Variants in CUL4A observed in about 807,000 individuals in gnomAD.
CUL4A encodes cullin-4A.
In CUL4A, 16 loss-of-function variants were observed where a neutral mutation model predicts 95.5. That is an observed-to-expected ratio of 0.17 (90% confidence interval 0.11 to 0.25). CUL4A has a LOEUF of 0.25. Among genes scored for constraint, CUL4A ranks in the 10% least tolerant of loss-of-function variants. CUL4A has a pLI of 1.00. For missense variants in CUL4A, 610 were observed against 937.0 expected, an observed-to-expected ratio of 0.65 and a Z score of 4.56; for synonymous variants, 380 against 353.1, an observed-to-expected ratio of 1.08 and a Z score of -0.85.
chr13:113,208,661 A>T, upstream of CUL4A: 1 of 1,599,546 alleles, frequency 6.3e-7, no homozygotes, highest in Non-Finnish European at 8.5e-7. Context: ...GGAGAGCGCC[A>T]CCCCCTACGC....
intron 2 of CUL4A, among the ~76,000 whole-genome samples, chr13:113,218,176 T>G (rs2040763767): frequency 6.6e-6 from 1 of 152,030 alleles, no homozygotes. Flanking sequence ...AGGTGGAGGT[T>G]GCAGTGAGCC....
At chr13:113,259,742 A>G (rs1251481850) in intron 18 of CUL4A, among the ~76,000 whole-genome samples, 2 of 152,222 alleles carry the variant, frequency 1.3e-5, no homozygotes, top group African/African-American at 2.4e-5. Flanking sequence ...TTTAATCTAC[A>G]TCACACATAG....
At chr13:113,258,488 C>T (rs1028718668) in intron 18 of CUL4A, among the ~76,000 whole-genome samples, 1 of 152,072 alleles carries the variant, frequency 6.6e-6, no homozygotes, top group Non-Finnish European at 1.5e-5. Context: ...TAAATACATA[C>T]AAATCTTTTT....
At chr13:113,244,364 T>C (rs765700903) in intron 11 of CUL4A, 46 bp from the exon 12 acceptor site, 2 of 1,358,978 alleles carry the variant, frequency 1.5e-6, no homozygotes, top group Non-Finnish European at 2.1e-6. Context: ...TTGAAGATGC[T>C]CTCTTTTTCT....
chr13:113,209,976 G>T lies in CUL4A; in HGVS notation c.152G>T (p.Arg51Ile). 6.6e-7 allele frequency: 1 copy of T among 1,509,544 alleles called. No individual in the cohort carries two copies. The highest frequency in any genetic ancestry group is 2.1e-5 in the Admixed American group (1 of 46,616). 93.5% of individuals were successfully genotyped at this position (1,509,544 alleles called of 1,614,324 possible). A position where few individuals can be genotyped will look rare whatever the true frequency, so the allele number is the denominator to read the frequency against. The change falls in exon 2 of 20, where the codon AGA becomes ATA. Residue 51 changes from arginine to isoleucine, a missense_variant. This residue lies in a region of CUL4A where 168 missense variants were observed against 185.5 expected (regional missense o/e 0.91). Transcript: ENST00000375440. ...KKLVIKNFRDRPRLPDNYTQD... is the reference protein window; with the variant it reads ...KKLVIKNFRDIPRLPDNYTQD... ...CCGCTCTCCCTCCGCCCTGCAGACAGACCTCGGCTGCCCGACAACTACACG... is the reference window on the plus strand; with the variant it reads ...CCGCTCTCCCTCCGCCCTGCAGACATACCTCGGCTGCCCGACAACTACACG...
chr13:113,232,035 G>GTCACCACTACCTGCCCACCACCATTA (rs1566342732), intron 5 of CUL4A, among the ~76,000 whole-genome samples: 6 of 70,630 alleles, frequency 8.5e-5, no homozygotes, highest in African/African-American at 3.4e-4. Flanking sequence ...CACCATTACT[G>GTCACCACTACCTGCCCACCACCATTA]CTGCCACCAC....
intron 3 of CUL4A, among the ~76,000 whole-genome samples, chr13:113,227,732 C>T (rs1466381520): frequency 6.6e-5 from 10 of 151,992 alleles, no homozygotes; most frequent in South Asian, 2.1e-4. Context: ...GGTGAAACCC[C>T]GTCTCTACTA....
intron 18 of CUL4A, 82 bp downstream of exon 18, chr13:113,255,207 G>A: frequency 1.0e-6 from 1 of 986,262 alleles, no homozygotes; most frequent in East Asian, 2.5e-5. Context: ...TTGGCTGTTA[G>A]AGGCCTGAAG....
intron 2 of CUL4A, among the ~76,000 whole-genome samples, chr13:113,215,184 C>T (rs1184680908): frequency 2.8e-5 from 4 of 140,470 alleles, no homozygotes; most frequent in Admixed American, 7.1e-5. Flanking sequence ...CTCTCTCGTC[C>T]GTGTGGCTAT....
At chr13:113,259,437 G>A (rs1287384718) in intron 18 of CUL4A, among the ~76,000 whole-genome samples, 3 of 152,186 alleles carry the variant, frequency 2.0e-5, no homozygotes, top group Non-Finnish European at 4.4e-5. Flanking sequence ...TCCCCATCAG[G>A]TTCCTGTTGG....
intron 18 of CUL4A, among the ~76,000 whole-genome samples, chr13:113,259,189 A>G (rs567988097): frequency 2.6e-5 from 4 of 152,186 alleles, no homozygotes; most frequent in South Asian, 2.1e-4. Flanking sequence ...CACCTTTTCA[A>G]TATACCTCTT....
intron 8 of CUL4A, among the ~76,000 whole-genome samples, chr13:113,236,446 G>A (rs1344919603): frequency 6.6e-6 from 1 of 152,196 alleles, no homozygotes; most frequent in Non-Finnish European, 1.5e-5. Context: ...GCCTGTGTAG[G>A]AAGCAGAAGG....
At chr13:113,224,222 G>A (rs543744973) in intron 3 of CUL4A, among the ~76,000 whole-genome samples, 2 of 152,174 alleles carry the variant, frequency 1.3e-5, no homozygotes, top group South Asian at 2.1e-4. Flanking sequence ...GCGTGGTGGC[G>A]GGCACCTGTA....
rs2041384447 is a variant in CUL4A at position 113,232,396 on chromosome 13, G to GTCACCACTAC, written c.513-781_513-780insTCACCACTAC. 3.8e-5 allele frequency among the ~76,000 whole-genome samples: 3 copies of GTCACCACTAC among 78,188 alleles called. No individual in the cohort carries two copies. The South Asian group carries it at 1.1e-3, about 29-fold the overall frequency. The allele number at this position is 78,188 out of a possible 152,430, so 51.3% of individuals were successfully genotyped here. On this transcript the variant is annotated intron_variant, in intron 5 of 19. Coordinates refer to ENST00000375440, the MANE Select transcript of CUL4A (RefSeq NM_001008895.4). ...ACCACCTGTCCACCACTATATTACT[G>GTCACCACTAC]CTGCCACCACCACCACTATTACTAT...
intron 8 of CUL4A, among the ~76,000 whole-genome samples, chr13:113,235,423 A>G (rs2041506519): frequency 6.6e-6 from 1 of 152,244 alleles, no homozygotes; most frequent in Non-Finnish European, 1.5e-5. Flanking sequence ...TTAATGGAGT[A>G]TCACTGAATA....
Position 113,243,031 on chromosome 13 carries a change from G to C in CUL4A, c.1099G>C (p.Asp367His). ...CAAAGACATGGTCCAAGACCTGTTG[G>C]ACTTCAAGGACAAGGTGGACCACGT... ...KDKDMVQDLL[D>H]FKDKVDHVIE... The change falls in exon 11 of 20, where the codon GAC becomes CAC. Residue 367 changes from aspartate to histidine, a missense_variant. By Grantham distance (81) the Asp-to-His change is moderately conservative. Coordinates refer to ENST00000375440, the MANE Select transcript of CUL4A (RefSeq NM_001008895.4). The C allele has an allele frequency of 6.2e-7, 1 of 1,614,184 alleles. No homozygotes were observed. Among genetic ancestry groups the C allele is most frequent in the Non-Finnish European group, 8.5e-7 (1 of 1,180,028 alleles).
In CUL4A at chr13:113,219,123, A is replaced by C. The variant is rs1219338500; in HGVS notation, c.368+75A>C. ...AAAACTGAACATTATTATGATAAAG[A>C]GCTAATGAGTATCCTTAATATTAAA... On this transcript the variant is annotated intron_variant, in intron 3 of 19. Transcript: ENST00000375440. 3 of 835,888 alleles carry C rather than the reference A, an allele frequency of 3.6e-6. No individual in the cohort carries two copies. In the African/African-American group the frequency reaches 5.2e-5, roughly 14 times the overall value. 51.8% of individuals were successfully genotyped at this position (835,888 alleles called of 1,614,324 possible). A position where few individuals can be genotyped will look rare whatever the true frequency, so the allele number is the denominator to read the frequency against.
chr13:113,239,311 G>A (rs7317558), intron 9 of CUL4A, 122 bp from the exon 10 acceptor site: 220,041 of 817,308 alleles, frequency 0.27, 33,790 homozygotes, highest in East Asian at 0.5. Context: ...AGGCAGCGAT[G>A]TGGAGACCCG....
intron 4 of CUL4A, among the ~76,000 whole-genome samples, chr13:113,228,917 G>A (rs949250746): frequency 7.3e-5 from 11 of 151,432 alleles, no homozygotes; most frequent in Admixed American, 5.3e-4. Context: ...TCAGGAGATC[G>A]AGACCATCCT....
Sources: gnomAD v4.1 joint callset for allele counts (sites outside exome capture counted in the v4.1 genomes callset) on GRCh38, gnomAD v4.1.1 for gene constraint, gnomAD v4.1.1 regional missense constraint, MANE v1.5 for transcripts, NCBI Gene and HGNC (gene_info 2026-07-23, HGNC 2026-07-21) for gene names.